GNL3: variants seen among roughly 807,000 people sequenced by gnomAD.
The protein encoded by GNL3 is G protein nucleolar 3.
GNL3 carries 77 observed loss-of-function variants against 70.6 expected under a neutral mutation model. The observed-to-expected ratio is 1.09, with a 90% CI of 0.91 to 1.32. The LOEUF (loss-of-function observed/expected upper bound fraction) is 1.32, where lower values mean the gene tolerates loss of function less well. Ranked by LOEUF, GNL3 falls within the 40% of genes most tolerant of loss-of-function variation. The probability of loss-of-function intolerance (pLI) is 0.00; values close to 1 mark genes in which losing one functional copy is unlikely to be tolerated. For synonymous variants in GNL3, 252 were observed against 216.1 expected (o/e 1.17, Z -1.46); for missense variants, 634 against 644.0 (o/e 0.98, Z 0.17).
At position 52,689,192 on chromosome 3, in the gene GNL3, T is replaced by A. The variant is rs142349859; in HGVS notation, c.527T>A (p.Ile176Lys). 7.4e-6 allele frequency: 12 copies of A among 1,613,514 alleles called. No homozygotes were observed. Among genetic ancestry groups the A allele is most frequent in the Non-Finnish European group, 1.0e-5 (12 of 1,179,428 alleles). Reference protein sequence around the residue: ...VQSGQKKLVLILNKSDLVPKE... With the variant: ...VQSGQKKLVLKLNKSDLVPKE... Reference sequence around the variant, plus strand: ...AGTGGACAGAAAAAGCTGGTACTTATATTAAATAAATCAGGTGAGTAAAGA... The same window carrying A: ...AGTGGACAGAAAAAGCTGGTACTTAAATTAAATAAATCAGGTGAGTAAAGA... Residue 176 changes from isoleucine (I) to lysine (K), a missense_variant, in exon 6 of 15, where the codon ATA becomes AAA. Coordinates refer to ENST00000418458, the MANE Select transcript of GNL3 (RefSeq NM_014366.5).
chr3:52,693,097 A>G lies in GNL3; in HGVS notation c.1044+51A>G, dbSNP rs748334949. The G allele has an allele frequency of 1.2e-5, 20 of 1,602,558 alleles. No individual in the cohort carries two copies. In the African/African-American group the frequency reaches 2.6e-4, roughly 20 times the overall value. On this transcript the variant is annotated intron_variant, in intron 10 of 14. Coordinates refer to ENST00000418458, the MANE Select transcript of GNL3 (RefSeq NM_014366.5). The stretch of plus-strand genomic sequence containing the variant: ...CCTTGGAGCCATCTTCTTTCATCAT[A>G]AGCATTTTGAGTAGAAAAATCTTGG...
chr3:52,687,949 C>CAAA (rs2097323803), intron 4 of GNL3, 160 bp from the exon 5 acceptor site: 7 of 635,328 alleles, frequency 1.1e-5, no homozygotes, highest in Non-Finnish European at 2.0e-5. Flanking sequence ...AAAAGCACAT[C>CAAA]CACAGGCTGC....
In GNL3 at chr3:52,687,516, A is replaced by G. The variant is rs1211970558; in HGVS notation, c.225A>G (p.Lys75=). Residue 75 remains lysine (K), a synonymous_variant, in exon 4 of 15, where the codon AAA becomes AAG. Coordinates refer to ENST00000418458, the MANE Select transcript of GNL3 (RefSeq NM_014366.5). ...ELRKQRLEEL[K]QQQKLDRQKE... is the part of the protein sequence containing the mutation. Reference sequence around the variant, plus strand: ...GGCTCTGACAGCTTGAAGAACTAAAACAGCAGCAGAAACTTGACAGGCAGA... The same window carrying G: ...GGCTCTGACAGCTTGAAGAACTAAAGCAGCAGCAGAAACTTGACAGGCAGA... 6.2e-7 allele frequency: 1 copy of G among 1,613,230 alleles called. No homozygotes were observed. Among genetic ancestry groups the G allele is most frequent in the Non-Finnish European group, 8.5e-7 (1 of 1,179,152 alleles).
intron 6 of GNL3, 129 bp downstream of exon 6, chr3:52,689,335 A>G (rs777207275): frequency 7.8e-6 from 7 of 895,374 alleles, no homozygotes; most frequent in Non-Finnish European, 1.3e-5. Flanking sequence ...GCACTTTGCC[A>G]GAGACAGTGC....
Position 52,688,430 on chromosome 3 carries a change from G to A in GNL3, c.408+238G>A, listed in dbSNP as rs548822548. The stretch of plus-strand genomic sequence containing the variant: ...CACCTTTTCACCAACAAATCATTTC[G>A]TGACTCGACTCTAGCTTATGCTGTT... On this transcript the variant is annotated intron_variant, in intron 5 of 14. Coordinates refer to ENST00000418458, the MANE Select transcript of GNL3 (RefSeq NM_014366.5). Among the ~76,000 whole-genome samples the A allele has an allele frequency of 5.7e-4, 87 of 152,126 alleles. 2 individuals carry two copies. In the South Asian group the frequency reaches 0.013, roughly 24 times the overall value.
At chr3:52,689,723 T>C (rs2097325536) in intron 6 of GNL3, among the ~76,000 whole-genome samples, 1 of 152,122 alleles carries the variant, frequency 6.6e-6, no homozygotes, top group Non-Finnish European at 1.5e-5. Context: ...GAGGCTGAAG[T>C]GGGCACATCA....
In GNL3 at chr3:52,694,036, G is replaced by C; in HGVS notation, c.1501-1G>C. ...CAGCACTATTTTTCTTTGTCACACAGGAAAACAGCTCAGGCATGTTTGCTG... is the reference window on the plus strand; with the variant it reads ...CAGCACTATTTTTCTTTGTCACACACGAAAACAGCTCAGGCATGTTTGCTG... On this transcript the variant is annotated splice_acceptor_variant, in intron 13 of 14. Transcript: ENST00000418458. LOFTEE classifies it high-confidence loss of function. The C allele has an allele frequency of 6.2e-7, 1 of 1,612,906 alleles. No homozygotes were observed. Among genetic ancestry groups the C allele is most frequent in the Non-Finnish European group, 8.5e-7 (1 of 1,178,822 alleles).
intron 4 of GNL3, 129 bp from the exon 5 acceptor site, chr3:52,687,980 C>A: frequency 1.5e-6 from 1 of 680,462 alleles, no homozygotes; most frequent in Non-Finnish European, 2.7e-6. Flanking sequence ...GGGAGGAAGA[C>A]AACTGAGTTC....
At chr3:52,687,788 C>T (rs535234552) in intron 4 of GNL3, 173 bp downstream of exon 4, 8 of 604,896 alleles carry the variant, frequency 1.3e-5, no homozygotes, top group Admixed American at 3.0e-5. Flanking sequence ...CACACCATCA[C>T]GCCTGGCTAA....
intron 7 of GNL3, 97 bp from the exon 8 acceptor site, chr3:52,690,848 G>A: frequency 7.7e-7 from 1 of 1,295,492 alleles, no homozygotes; most frequent in Non-Finnish European, 1.1e-6. Context: ...AGGCAATGTA[G>A]TTATCTTAAG....
chr3:52,686,685 C>A, intron 1 of GNL3, 84 bp from the exon 2 acceptor site: 1 of 1,024,556 alleles, frequency 9.8e-7, no homozygotes, highest in Non-Finnish European at 1.5e-6. Context: ...TAGCCAATAA[C>A]ACAAGAAAAG....
At chr3:52,692,718 C>T (rs2097328513) in intron 9 of GNL3, 154 bp from the exon 10 acceptor site, 1 of 767,338 alleles carries the variant, frequency 1.3e-6, no homozygotes, top group Non-Finnish European at 2.4e-6. Flanking sequence ...GTCGGGTATG[C>T]TGTTACAGTT....
Position 52,691,548 on chromosome 3 carries a change from C to G in GNL3, c.788C>G (p.Pro263Arg), listed in dbSNP as rs761757977. ...ATTTCCCATTTATTTGTAGGTTTCC[C>G]AAATGTGGGGAAAAGCAGCATTATC... ...KAIRVGVIGF[P>R]NVGKSSIINS... Residue 263 changes from proline (P) to arginine (R), a missense_variant, in exon 9 of 15, where the codon CCA becomes CGA. Transcript: ENST00000418458. 7 of 1,575,072 alleles carry G rather than the reference C, an allele frequency of 4.4e-6. No homozygotes were observed. The highest frequency in any genetic ancestry group is 5.2e-6 in the Non-Finnish European group (6 of 1,147,514).
intron 6 of GNL3, among the ~76,000 whole-genome samples, chr3:52,689,638 C>T (rs2097325428): frequency 1.3e-5 from 2 of 152,116 alleles, no homozygotes; most frequent in African/African-American, 4.8e-5. Flanking sequence ...AAACCCAGAA[C>T]AGAGAATTAC....
intron 9 of GNL3, among the ~76,000 whole-genome samples, chr3:52,691,953 G>C (rs1449298635): frequency 6.6e-6 from 1 of 152,056 alleles, no homozygotes. Flanking sequence ...TGCCCGCCTC[G>C]GCCTCCCAAA....
chr3:52,686,572 T>G, intron 1 of GNL3, 197 bp from the exon 2 acceptor site: 1 of 601,396 alleles, frequency 1.7e-6, no homozygotes, highest in Non-Finnish European at 3.0e-6. Context: ...GTGCAGGGAA[T>G]TTTGACTCCA....
intron 6 of GNL3, among the ~76,000 whole-genome samples, chr3:52,689,496 A>G (rs952611420): frequency 1.3e-5 from 2 of 152,220 alleles, no homozygotes; most frequent in African/African-American, 4.8e-5. Context: ...AAGTGATGAC[A>G]GTGTGACAAA....
intron 4 of GNL3, 136 bp downstream of exon 4, chr3:52,687,751 G>A: frequency 1.6e-6 from 1 of 625,584 alleles, no homozygotes; most frequent in Non-Finnish European, 2.9e-6. Context: ...TACCACCTCA[G>A]TCTCCAAGTA....
chr3:52,687,544 G>A lies in GNL3; in HGVS notation c.253G>A (p.Glu85Lys). 8 of 1,613,780 alleles carry A rather than the reference G, an allele frequency of 5.0e-6. No individual in the cohort carries two copies. Among genetic ancestry groups the A allele is most frequent in the Non-Finnish European group, 6.8e-6 (8 of 1,179,724 alleles). ...GCAGCAGAAACTTGACAGGCAGAAG[G>A]AACTAGAAAAGAAAAGAAAACTTGA... The part of the protein sequence containing the change: ...KQQQKLDRQK[E>K]LEKKRKLETN... Residue 85 changes from glutamate (E) to lysine (K), a missense_variant, in exon 4 of 15, where the codon GAA becomes AAA. By Grantham distance (56) the Glu-to-Lys change is moderately conservative. Transcript: ENST00000418458.
Sources: gnomAD v4.1 joint callset for allele counts (sites outside exome capture counted in the v4.1 genomes callset) on GRCh38, gnomAD v4.1.1 for gene constraint, MANE v1.5 for transcripts, NCBI Gene and HGNC (gene_info 2026-07-23, HGNC 2026-07-21) for gene names.